Variants in MAGI1 observed in about 807,000 individuals in gnomAD.
MAGI1 encodes membrane associated guanylate kinase, WW and PDZ domain containing 1, also known as membrane-associated guanylate kinase, WW and PDZ domain-containing protein 1.
In MAGI1, 58 loss-of-function variants were observed where a neutral mutation model predicts 139.9. The ratio of observed to expected loss-of-function variants is 0.41; its 90% CI spans 0.34 to 0.52. MAGI1 has a LOEUF of 0.52. MAGI1 is among the 20% of genes least tolerant of loss of function. The pLI is 0.12. For missense variants in MAGI1, 1,874 were observed against 1,901.6 expected (o/e 0.99, Z 0.27); for synonymous variants, 812 against 737.9 (o/e 1.10, Z -1.63).
At chr3:65,763,299 A>G (rs59018051) in intron 1 of MAGI1, among the ~76,000 whole-genome samples, 35,103 of 152,038 alleles carry the variant, frequency 0.23, 4,850 homozygotes, top group East Asian at 0.48. Context: ...AACCAAATAT[A>G]AAAGTATCTA....
chr3:65,987,407 G>A (rs72909001), intron 1 of MAGI1, among the ~76,000 whole-genome samples: 19,369 of 152,090 alleles, frequency 0.13, 1,860 homozygotes, highest in African/African-American at 0.27. Flanking sequence ...GTAAGTCAAC[G>A]AACACAGTGC....
In MAGI1 at chr3:65,621,958, G is replaced by T. The variant is rs756412114; in HGVS notation, c.430+14C>A. 22 of 1,568,370 alleles carry T rather than the reference G, an allele frequency of 1.4e-5. No individual in the cohort carries two copies. Among genetic ancestry groups the T allele is most frequent in the Non-Finnish European group, 1.7e-5 (20 of 1,145,450 alleles). On this transcript the variant is annotated intron_variant, in intron 2 of 22. Coordinates refer to ENST00000402939, the MANE Select transcript of MAGI1 (RefSeq NM_001033057.2). Reference sequence around the variant, plus strand: ...ACACACACAGCAGTGAGATGCCAAAGTCCAACTACTTACAAGGCACAGCAT... The same window carrying T: ...ACACACACAGCAGTGAGATGCCAAATTCCAACTACTTACAAGGCACAGCAT...
intron 1 of MAGI1, among the ~76,000 whole-genome samples, chr3:65,787,068 C>G (rs180809001): frequency 6.6e-6 from 1 of 152,230 alleles, no homozygotes; most frequent in East Asian, 1.9e-4. Context: ...TCTCATGTTT[C>G]AAGGGGTCTG....
intron 1 of MAGI1, among the ~76,000 whole-genome samples, chr3:65,770,844 A>G (rs1458298775): frequency 6.6e-6 from 1 of 151,886 alleles, no homozygotes; most frequent in Non-Finnish European, 1.5e-5. Context: ...ATGTGCCACA[A>G]TGCCTAGCTA....
chr3:65,384,491 G>A (rs1013563285), intron 14 of MAGI1, among the ~76,000 whole-genome samples: 3 of 152,212 alleles, frequency 2.0e-5, no homozygotes, highest in Admixed American at 2.0e-4. Flanking sequence ...GGCACTCCCA[G>A]CACTTTGGGA....
chr3:65,996,841 C>T (rs2066475960), intron 1 of MAGI1, among the ~76,000 whole-genome samples: 2 of 152,170 alleles, frequency 1.3e-5, no homozygotes, highest in Non-Finnish European at 2.9e-5. Flanking sequence ...CTGAAGGCCC[C>T]GGGCGGCCAA....
At chr3:65,938,957 C>T (rs535964480) in intron 1 of MAGI1, among the ~76,000 whole-genome samples, 1 of 152,256 alleles carries the variant, frequency 6.6e-6, no homozygotes, top group Admixed American at 6.5e-5. Context: ...TCTTCTGATG[C>T]TATATCCTGT....
At chr3:65,919,744 C>A (rs1452058452) in intron 1 of MAGI1, among the ~76,000 whole-genome samples, 1 of 151,896 alleles carries the variant, frequency 6.6e-6, no homozygotes, top group Non-Finnish European at 1.5e-5. Context: ...AACGTTCCCC[C>A]ATTCGAGGCT....
chr3:65,921,852 G>A (rs925006571), intron 1 of MAGI1, among the ~76,000 whole-genome samples: 4 of 151,742 alleles, frequency 2.6e-5, no homozygotes, highest in African/African-American at 9.7e-5. Context: ...GCTGCAGTGA[G>A]CCACGATGGC....
At chr3:65,474,834 T>C (rs1359648493) in intron 4 of MAGI1, among the ~76,000 whole-genome samples, 1 of 152,208 alleles carries the variant, frequency 6.6e-6, no homozygotes, top group Non-Finnish European at 1.5e-5. Flanking sequence ...ATACTAGGTG[T>C]GCACTCAGGC....
intron 1 of MAGI1, among the ~76,000 whole-genome samples, chr3:65,898,116 C>G (rs528600061): frequency 6.6e-5 from 10 of 152,274 alleles, no homozygotes; most frequent in African/African-American, 1.7e-4. Context: ...TGACCACCAG[C>G]CAGAGAGTTT....
At chr3:65,968,512 G>GA (rs1221496186) in intron 1 of MAGI1, among the ~76,000 whole-genome samples, 1 of 151,708 alleles carries the variant, frequency 6.6e-6, no homozygotes, top group East Asian at 1.9e-4. Context: ...ACGTGAAGTG[G>GA]AAAAAAACAA....
chr3:65,549,695 G>A (rs911919957), intron 2 of MAGI1, among the ~76,000 whole-genome samples: 4 of 152,234 alleles, frequency 2.6e-5, no homozygotes, highest in Admixed American at 6.5e-5. Context: ...CCTTGGACGG[G>A]GGTAGGGGTG....
rs192970501 is a variant in MAGI1, at chr3:65,459,206, C to T, written c.960-5866G>A. Among the ~76,000 whole-genome samples the T allele has an allele frequency of 4.6e-5, 7 of 152,312 alleles. No individual in the cohort carries two copies. In the East Asian group the frequency reaches 1.4e-3, roughly 29 times the overall value. On this transcript the variant is annotated intron_variant, in intron 5 of 22. Transcript: ENST00000402939. ...CTGTGCTGCTTTGGTTACTACATCT[C>T]TGTACTATTATTTGAAGTCAGGTAA...
At chr3:65,655,404 T>C (rs2085818842) in intron 1 of MAGI1, among the ~76,000 whole-genome samples, 1 of 152,222 alleles carries the variant, frequency 6.6e-6, no homozygotes, top group African/African-American at 2.4e-5. Flanking sequence ...CAACTGTGAC[T>C]TCTGAAATAT....
intron 2 of MAGI1, among the ~76,000 whole-genome samples, chr3:65,617,368 T>C (rs2083433363): frequency 6.6e-6 from 1 of 152,294 alleles, no homozygotes; most frequent in African/African-American, 2.4e-5. Flanking sequence ...ACTGGATGAG[T>C]TGTATCTCGT....
Position 66,026,838 on chromosome 3 carries a change from T to C in MAGI1, c.313+11158A>G, listed in dbSNP as rs577484717. ...TTTTTATTTATCGGACTATCTTCCGTGGGGTCACCAAGCATGTCTCTCTGG... is the reference window on the plus strand; with the variant it reads ...TTTTTATTTATCGGACTATCTTCCGCGGGGTCACCAAGCATGTCTCTCTGG... On this transcript the variant is annotated intron_variant, in intron 1 of 22. Coordinates refer to ENST00000402939, the MANE Select transcript of MAGI1 (RefSeq NM_001033057.2). Among the ~76,000 whole-genome samples, 38 of 103,678 alleles carry C rather than the reference T, an allele frequency of 3.7e-4. 1 individual carries two copies. Among genetic ancestry groups the C allele is most frequent in the African/African-American group, 1.2e-3 (38 of 32,152 alleles). The allele number at this position is 103,678 out of a possible 152,430, so 68.0% of individuals were successfully genotyped here.
chr3:65,445,519 A>G (rs1948623061), intron 7 of MAGI1, among the ~76,000 whole-genome samples: 2 of 152,208 alleles, frequency 1.3e-5, no homozygotes, highest in East Asian at 3.9e-4. Context: ...ATTTCTCTGT[A>G]TATAGATTGA....
chr3:65,598,317 G>A (rs773600223), intron 2 of MAGI1, among the ~76,000 whole-genome samples: 1 of 152,288 alleles, frequency 6.6e-6, no homozygotes, highest in South Asian at 2.1e-4. Context: ...GACATGGAAA[G>A]GCGGGAAATA....
Sources: gnomAD v4.1 joint callset for allele counts (sites outside exome capture counted in the v4.1 genomes callset) on GRCh38, gnomAD v4.1.1 for gene constraint, MANE v1.5 for transcripts, NCBI Gene and HGNC (gene_info 2026-07-23, HGNC 2026-07-21) for gene names.